The following NSUN2 variants were observed in gnomAD, a reference collection of about 807,000 sequenced individuals.
The protein encoded by NSUN2 is NOP2/Sun RNA methyltransferase 2.
In NSUN2, 63 loss-of-function variants were observed where a neutral mutation model predicts 92.7. The ratio of observed to expected loss-of-function variants is 0.68; its 90% CI spans 0.56 to 0.84. The LOEUF is 0.84. Ranked by LOEUF, NSUN2 falls within the 40% of genes least tolerant of loss-of-function variation. The probability of loss-of-function intolerance (pLI) is 0.00; values close to 1 mark genes in which losing one functional copy is unlikely to be tolerated. For missense variants in NSUN2, 989 were observed against 964.9 expected (o/e 1.02, Z -0.33); for synonymous variants, 356 against 348.3 (o/e 1.02, Z -0.25).
At chr5:6,603,369 C>G (rs1736630459) in intron 17 of NSUN2, among the ~76,000 whole-genome samples, 1 of 152,222 alleles carries the variant, frequency 6.6e-6, no homozygotes, top group Admixed American at 6.5e-5. Flanking sequence ...TGCATGTTAG[C>G]CAGTCTCGTG....
chr5:6,603,930 G>A (rs1300337661), intron 17 of NSUN2: 2 of 510,964 alleles, frequency 3.9e-6, no homozygotes, highest in South Asian at 2.3e-5. Flanking sequence ...ACCAGAGCCT[G>A]GGGAAGTACA....
intron 8 of NSUN2, 28 bp from the exon 9 acceptor site, chr5:6,616,885 G>C: frequency 1.9e-6 from 3 of 1,604,506 alleles, no homozygotes; most frequent in Non-Finnish European, 2.6e-6. Flanking sequence ...ATGACTGCAA[G>C]GCCAAATGTA....
intron 17 of NSUN2, chr5:6,603,914 G>T: frequency 2.1e-6 from 1 of 474,194 alleles, no homozygotes; most frequent in Non-Finnish European, 3.8e-6. Flanking sequence ...GCAGCAGCAG[G>T]GCACCACCAG....
rs538406776 is a variant in NSUN2 at position 6,599,903 on chromosome 5, G to A, written c.*23C>T. On this transcript the variant is annotated 3_prime_UTR_variant, in exon 19 of 19. Transcript: ENST00000264670. ...GCCAGTTTTGCGTGTGAGGGGTGTG[G>A]GCCCCCGCTGCCTTGGGCCTGCTCA... The A allele has an allele frequency of 1.2e-6, 2 of 1,604,060 alleles. No homozygotes were observed. Among genetic ancestry groups the A allele is most frequent in the Admixed American group, 3.3e-5 (2 of 59,806 alleles).
Position 6,622,037 on chromosome 5 carries a change from C to T in NSUN2, c.601G>A (p.Asp201Asn), listed in dbSNP as rs746566794. 1.1e-5 allele frequency: 17 copies of T among 1,613,964 alleles called. No homozygotes were observed. Among genetic ancestry groups the T allele is most frequent in the East Asian group, 2.2e-5 (1 of 44,874 alleles). ...TTQLIEMLHA[D>N]MNVPFPEGFV... The stretch of plus-strand genomic sequence containing the variant: ...ATACCTGGAAAGGGGACATTCATGT[C>T]GGCATGTAGCATTTCAATTAACTGT... Residue 201 changes from aspartate to asparagine, a missense_variant, in exon 6 of 19, where the codon GAC becomes AAC. By Grantham distance (23) the Asp-to-Asn change is conservative. This residue lies in a region of NSUN2 where 356 missense variants were observed against 338.6 expected (regional missense o/e 1.05). Coordinates refer to ENST00000264670, the MANE Select transcript of NSUN2 (RefSeq NM_017755.6).
intron 11 of NSUN2, among the ~76,000 whole-genome samples, chr5:6,610,689 A>G (rs1216890787): frequency 1.3e-5 from 2 of 151,986 alleles, no homozygotes; most frequent in African/African-American, 4.8e-5. Context: ...CTCTCAAAAA[A>G]AAAAAAAAAA....
At chr5:6,601,337 C>T (rs909833719) in intron 18 of NSUN2, among the ~76,000 whole-genome samples, 81 of 93,556 alleles carry the variant, frequency 8.7e-4, no homozygotes, top group African/African-American at 3.2e-3. Flanking sequence ...TTTGTTCAAA[C>T]TCTCGTTAAA....
intron 5 of NSUN2, among the ~76,000 whole-genome samples, chr5:6,622,995 T>A (rs1387262534): frequency 2.5e-5 from 2 of 79,952 alleles, no homozygotes; most frequent in East Asian, 3.3e-4. Flanking sequence ...TCAGTAAAAC[T>A]AAAGGGGAGA....
At chr5:6,603,508 G>A (rs918603004) in intron 17 of NSUN2, among the ~76,000 whole-genome samples, 1 of 152,086 alleles carries the variant, frequency 6.6e-6, no homozygotes, top group Non-Finnish European at 1.5e-5. Flanking sequence ...TGGCTAACAC[G>A]GTGAAACCCC....
chr5:6,626,448 T>C (rs10475340), intron 3 of NSUN2, among the ~76,000 whole-genome samples: 101,940 of 151,736 alleles, frequency 0.67, 34,363 homozygotes, highest in Middle Eastern at 0.74. Flanking sequence ...CAGCTCACTG[T>C]GACTTCTGCC....
chr5:6,618,617 T>C lies in NSUN2; in HGVS notation c.816-593A>G, dbSNP rs181821329. On this transcript the variant is annotated intron_variant, in intron 7 of 18. Transcript: ENST00000264670. ...TGAATAATGACTAATAAATTTTCCA[T>C]AGTAATTTCAATTAAGCTAATATAA... 1.5e-3 allele frequency among the ~76,000 whole-genome samples: 229 copies of C among 151,994 alleles called. 2 individuals carry two copies. The highest frequency in any genetic ancestry group is 2.6e-3 in the Non-Finnish European group (178 of 68,036).
chr5:6,625,527 T>C lies in NSUN2; in HGVS notation c.465+37A>G, dbSNP rs776116031. ...TACACTACATCTATGCATTTACAGC[T>C]TTAAGGAAACTAGCAAGTCTAAAGA... On this transcript the variant is annotated intron_variant, in intron 4 of 18. Coordinates refer to ENST00000264670, the MANE Select transcript of NSUN2 (RefSeq NM_017755.6). 8.0e-6 allele frequency: 12 copies of C among 1,501,164 alleles called. No individual in the cohort carries two copies. The South Asian group carries it at 1.4e-4, about 17-fold the overall frequency. The allele number at this position is 1,501,164 out of a possible 1,614,324, so 93.0% of individuals were successfully genotyped here.
At chr5:6,602,740 T>C (rs1736609194) in intron 17 of NSUN2, among the ~76,000 whole-genome samples, 1 of 152,206 alleles carries the variant, frequency 6.6e-6, no homozygotes. Flanking sequence ...ATTCAGGGAC[T>C]TCAAGGGATG....
chr5:6,604,282 T>C lies in NSUN2; in HGVS notation c.1819-6A>G, dbSNP rs745809944. ...GGATACAATGTATATATTCCCTGTG[T>C]GAATAAAGAGAATGAGAGAACAGAT... On this transcript the variant is annotated splice_region_variant and splice_polypyrimidine_tract_variant and intron_variant, in intron 16 of 18. Transcript: ENST00000264670. 7.6e-6 allele frequency: 12 copies of C among 1,585,710 alleles called. No homozygotes were observed. Among genetic ancestry groups the C allele is most frequent in the Non-Finnish European group, 1.0e-5 (12 of 1,158,232 alleles).
chr5:6,613,641 G>A (rs79363058), intron 9 of NSUN2, among the ~76,000 whole-genome samples: 5,632 of 152,322 alleles, frequency 0.037, 132 homozygotes, highest in Non-Finnish European at 0.055. Flanking sequence ...GTGACAATGA[G>A]GAGATAAGCC....
At position 6,604,366 on chromosome 5, in the gene NSUN2, C is replaced by G. The variant is rs1736674490; in HGVS notation, c.1819-90G>C. The G allele has an allele frequency of 1.4e-5, 17 of 1,256,526 alleles. No homozygotes were observed. In the South Asian group the frequency reaches 2.2e-4, roughly 17 times the overall value. 77.8% of individuals were successfully genotyped at this position (1,256,526 alleles called of 1,614,324 possible). The stretch of plus-strand genomic sequence containing the variant: ...CTCTCAGGGGCTATGCTCTTAGCGG[C>G]TATGGTGGTCGAGCCCTCACTATGG... On this transcript the variant is annotated intron_variant, in intron 16 of 18. Coordinates refer to ENST00000264670, the MANE Select transcript of NSUN2 (RefSeq NM_017755.6).
At position 6,620,504 on chromosome 5, in the gene NSUN2, G is replaced by T. The variant is rs528185881; in HGVS notation, c.623-206C>A. On this transcript the variant is annotated intron_variant, in intron 6 of 18. Coordinates refer to ENST00000264670, the MANE Select transcript of NSUN2 (RefSeq NM_017755.6). ...TGGATTTTATGGACACTCGAATTTT[G>T]AAAGCCTCAAAAGTCATCTATTCAA... 18 of 409,630 alleles carry T rather than the reference G, an allele frequency of 4.4e-5. No homozygotes were observed. In the South Asian group the frequency reaches 1.4e-3, roughly 31 times the overall value. 25.4% of individuals were successfully genotyped at this position (409,630 alleles called of 1,614,324 possible).
chr5:6,602,971 T>C (rs1055224949), intron 17 of NSUN2, among the ~76,000 whole-genome samples: 7 of 152,228 alleles, frequency 4.6e-5, no homozygotes, highest in Admixed American at 1.3e-4. Context: ...CTTTAAATTG[T>C]GGTTCTTGCC....
chr5:6,614,124 C>CT lies in NSUN2; in HGVS notation c.1022-2327_1022-2326insA, dbSNP rs1553997978. On this transcript the variant is annotated intron_variant, in intron 9 of 18. Coordinates refer to ENST00000264670, the MANE Select transcript of NSUN2 (RefSeq NM_017755.6). ...AAAAAAAAAAAAAAAAAAAAAAAAC[C>CT]CACAACACACACATATAGACAGACA... Among the ~76,000 whole-genome samples the CT allele has an allele frequency of 1.2e-4, 9 of 73,190 alleles. 2 individuals are homozygous for CT. Among genetic ancestry groups the CT allele is most frequent in the African/African-American group, 2.4e-4 (5 of 20,412 alleles). The allele number at this position is 73,190 out of a possible 152,430, so 48.0% of individuals were successfully genotyped here.
Sources: gnomAD v4.1 joint callset for allele counts (sites outside exome capture counted in the v4.1 genomes callset) on GRCh38, gnomAD v4.1.1 for gene constraint, gnomAD v4.1.1 regional missense constraint, MANE v1.5 for transcripts, NCBI Gene and HGNC (gene_info 2026-07-23, HGNC 2026-07-21) for gene names.